CPA6: variants seen among roughly 807,000 people sequenced by gnomAD.
CPA6 encodes carboxypeptidase A6.
In CPA6, 58 loss-of-function variants were observed where a neutral mutation model predicts 63.3. That is an observed-to-expected ratio of 0.92 (90% CI 0.74 to 1.14). The LOEUF (loss-of-function observed/expected upper bound fraction) is 1.14. Ranked by LOEUF, CPA6 falls within the 50% of genes most tolerant of loss-of-function variation. The pLI, the probability that CPA6 is intolerant of heterozygous loss-of-function variation, is 0.00. For synonymous variants in CPA6, 185 were observed against 179.0 expected (o/e 1.03, Z -0.27); for missense variants, 565 against 526.6 (o/e 1.07, Z -0.71).
chr8:67,622,375 G>A (rs893727378), intron 2 of CPA6, among the ~76,000 whole-genome samples: 10 of 152,222 alleles, frequency 6.6e-5, no homozygotes, highest in Non-Finnish European at 8.8e-5. Flanking sequence ...GGGTGAAGAG[G>A]TTAACGATAG....
intron 8 of CPA6, among the ~76,000 whole-genome samples, chr8:67,450,921 G>T (rs7840914): frequency 0.25 from 37,712 of 151,984 alleles, 5,376 homozygotes; most frequent in African/African-American, 0.39. Context: ...TGTGTTTGGC[G>T]GCAGAAGGCT....
chr8:67,628,027 A>G (rs796296054), intron 1 of CPA6, among the ~76,000 whole-genome samples: 10 of 152,220 alleles, frequency 6.6e-5, no homozygotes, highest in African/African-American at 2.4e-4. Flanking sequence ...CTGCCTTCCA[A>G]CATGGTGAAA....
chr8:67,617,996 C>A (rs1481913258), intron 2 of CPA6, among the ~76,000 whole-genome samples: 1 of 152,186 alleles, frequency 6.6e-6, no homozygotes, highest in East Asian at 1.9e-4. Flanking sequence ...GAGGAAACAT[C>A]GATTTTAAAG....
intron 8 of CPA6, among the ~76,000 whole-genome samples, chr8:67,441,480 A>G (rs1248481892): frequency 6.6e-6 from 1 of 152,192 alleles, no homozygotes; most frequent in Non-Finnish European, 1.5e-5. Context: ...TTTTGGGAGA[A>G]AACTCAACTA....
intron 1 of CPA6, among the ~76,000 whole-genome samples, chr8:67,648,254 T>C (rs922630503): frequency 2.3e-5 from 3 of 131,102 alleles, no homozygotes. Flanking sequence ...ATTTCCTAGA[T>C]TAGGTTTTTT....
intron 8 of CPA6, among the ~76,000 whole-genome samples, chr8:67,443,904 A>G (rs993938086): frequency 6.6e-6 from 1 of 152,152 alleles, no homozygotes; most frequent in Admixed American, 6.5e-5. Context: ...AACTAATTGG[A>G]CTTGGTGACT....
chr8:67,597,546 G>A (rs1193233698), intron 2 of CPA6, among the ~76,000 whole-genome samples: 1 of 151,992 alleles, frequency 6.6e-6, no homozygotes, highest in East Asian at 1.9e-4. Flanking sequence ...GTTTATTTAT[G>A]CTTCTCTCTG....
intron 6 of CPA6, among the ~76,000 whole-genome samples, chr8:67,496,405 T>C (rs1368467080): frequency 2.0e-5 from 3 of 151,284 alleles, no homozygotes; most frequent in Admixed American, 2.0e-4. Context: ...ATTTAAAAAA[T>C]AACAGCTTTT....
chr8:67,578,628 T>C (rs1164307611), intron 2 of CPA6, among the ~76,000 whole-genome samples: 1 of 152,186 alleles, frequency 6.6e-6, no homozygotes, highest in Non-Finnish European at 1.5e-5. Flanking sequence ...TGGGTCCCTG[T>C]TACTATAATG....
chr8:67,504,718 T>G (rs923155545), intron 6 of CPA6, among the ~76,000 whole-genome samples: 3 of 152,118 alleles, frequency 2.0e-5, no homozygotes, highest in African/African-American at 7.2e-5. Flanking sequence ...GTGAATGACC[T>G]CTAGGCCTCC....
intron 2 of CPA6, among the ~76,000 whole-genome samples, chr8:67,614,981 C>T (rs183729032): frequency 6.6e-6 from 1 of 152,312 alleles, no homozygotes; most frequent in African/African-American, 2.4e-5. Context: ...TGCAAGACCT[C>T]ACATGGTTGA....
intron 1 of CPA6, among the ~76,000 whole-genome samples, chr8:67,732,236 T>C (rs1002898598): frequency 6.6e-6 from 1 of 152,230 alleles, no homozygotes; most frequent in African/African-American, 2.4e-5. Context: ...AGGTGGCAGC[T>C]GTGGGATCCC....
In CPA6 at chr8:67,518,106, C is replaced by T. The variant is rs190609750; in HGVS notation, c.193-59G>A. 1.7e-4 allele frequency: 252 copies of T among 1,461,074 alleles called. 2 individuals are homozygous for T. In the East Asian group the frequency reaches 4.9e-3, roughly 28 times the overall value. 90.5% of individuals were successfully genotyped at this position (1,461,074 alleles called of 1,614,324 possible). A position where few individuals can be genotyped will look rare whatever the true frequency, so the allele number is the denominator to read the frequency against. On this transcript the variant is annotated intron_variant, in intron 2 of 10. Transcript: ENST00000297770. Reference sequence around the variant, plus strand: ...CAACGTAGGGGGGGAAAATCTGTGTCACAATGTCAAACACATTCTTTTGTT... The same window carrying T: ...CAACGTAGGGGGGGAAAATCTGTGTTACAATGTCAAACACATTCTTTTGTT...
At chr8:67,491,178 C>T (rs1357213860) in intron 6 of CPA6, among the ~76,000 whole-genome samples, 1 of 146,998 alleles carries the variant, frequency 6.8e-6, no homozygotes, top group Non-Finnish European at 1.5e-5. Context: ...ATTTTAAATT[C>T]AATACCAGAA....
chr8:67,659,404 G>A (rs1036087532), intron 1 of CPA6, among the ~76,000 whole-genome samples: 2 of 152,200 alleles, frequency 1.3e-5, no homozygotes, highest in African/African-American at 4.8e-5. Flanking sequence ...AAGTGGGAAA[G>A]GAATTTACCA....
At chr8:67,569,127 G>A (rs555373458) in intron 2 of CPA6, among the ~76,000 whole-genome samples, 1 of 152,124 alleles carries the variant, frequency 6.6e-6, no homozygotes, top group Non-Finnish European at 1.5e-5. Flanking sequence ...GGTACAGGGA[G>A]TACAAAAGTC....
At chr8:67,691,748 G>A (rs886344203) in intron 1 of CPA6, among the ~76,000 whole-genome samples, 1 of 152,286 alleles carries the variant, frequency 6.6e-6, no homozygotes, top group Non-Finnish European at 1.5e-5. Context: ...TATCTACACA[G>A]CACTTTGAAA....
At chr8:67,673,725 G>A (rs1339373605) in intron 1 of CPA6, among the ~76,000 whole-genome samples, 2 of 151,932 alleles carry the variant, frequency 1.3e-5, no homozygotes, top group African/African-American at 2.4e-5. Flanking sequence ...GACTATAATA[G>A]CATTTTAGTA....
At chr8:67,630,297 C>A (rs191234854) in intron 1 of CPA6, among the ~76,000 whole-genome samples, 1 of 152,136 alleles carries the variant, frequency 6.6e-6, no homozygotes, top group East Asian at 1.9e-4. Context: ...CATGCTCACT[C>A]AGCCTGGGAC....
Sources: gnomAD v4.1 joint callset for allele counts (sites outside exome capture counted in the v4.1 genomes callset) on GRCh38, gnomAD v4.1.1 for gene constraint, MANE v1.5 for transcripts, NCBI Gene and HGNC (gene_info 2026-07-23, HGNC 2026-07-21) for gene names.